Variants in ADGRB3 observed in about 807,000 individuals in gnomAD.
The protein encoded by ADGRB3 is adhesion G protein-coupled receptor B3, also known as brain-specific angiogenesis inhibitor 3.
In ADGRB3, 37 loss-of-function variants were observed where a neutral mutation model predicts 193.4. The ratio of observed to expected loss-of-function variants is 0.19; its 90% CI spans 0.15 to 0.25. The LOEUF (loss-of-function observed/expected upper bound fraction) is 0.25, where lower values mean the gene tolerates loss of function less well. Among genes scored for constraint, ADGRB3 ranks in the 10% least tolerant of loss-of-function variants. The pLI, the probability that ADGRB3 is intolerant of heterozygous loss-of-function variation, is 1.00. For missense variants in ADGRB3, 1,637 were observed against 1,852.9 expected, an observed-to-expected ratio of 0.88 and a Z score of 2.14; for synonymous variants, 690 against 644.2, an observed-to-expected ratio of 1.07 and a Z score of -1.08.
intron 3 of ADGRB3, among the ~76,000 whole-genome samples, chr6:68,797,628 C>T (rs185217280): frequency 6.6e-6 from 1 of 152,170 alleles, no homozygotes; most frequent in African/African-American, 2.4e-5. Context: ...ATTTAAGGAG[C>T]TAAATCACTG....
At chr6:69,083,308 A>T (rs1036460096) in intron 17 of ADGRB3, among the ~76,000 whole-genome samples, 2 of 152,148 alleles carry the variant, frequency 1.3e-5, no homozygotes, top group Admixed American at 6.6e-5. Context: ...GTATTTGAGG[A>T]CTAGAAGTGT....
rs993045951 is a variant in ADGRB3 at position 69,126,877 on chromosome 6, C to T, written c.2480+50839C>T. On this transcript the variant is annotated intron_variant, in intron 17 of 31. Transcript: ENST00000370598. ...TCTATGATGACAACAATAGAGTTAACTCATTAGCTCCTAAATTAAAGGACT... is the reference window on the plus strand; with the variant it reads ...TCTATGATGACAACAATAGAGTTAATTCATTAGCTCCTAAATTAAAGGACT... Among the ~76,000 whole-genome samples, 7 of 152,184 alleles carry T rather than the reference C, an allele frequency of 4.6e-5. 1 individual carries two copies. Among genetic ancestry groups the T allele is most frequent in the African/African-American group, 1.7e-4 (7 of 41,452 alleles).
Position 69,029,259 on chromosome 6 carries a change from T to G in ADGRB3, c.2107+10760T>G, listed in dbSNP as rs142864926. Among the ~76,000 whole-genome samples, 7 of 152,360 alleles carry G rather than the reference T, an allele frequency of 4.6e-5. No homozygotes were observed. The East Asian group carries it at 1.3e-3, about 29-fold the overall frequency. ...TTTTCTTTTGTGCTAATATTCTTCATATGTATCCACTTTATTTGAAAATTT... is the reference window on the plus strand; with the variant it reads ...TTTTCTTTTGTGCTAATATTCTTCAGATGTATCCACTTTATTTGAAAATTT... On this transcript the variant is annotated intron_variant, in intron 13 of 31. Transcript: ENST00000370598.
intron 3 of ADGRB3, among the ~76,000 whole-genome samples, chr6:68,908,128 T>C (rs1336729990): frequency 2.6e-5 from 4 of 152,016 alleles, no homozygotes; most frequent in Admixed American, 1.3e-4. Flanking sequence ...AATTAACTAT[T>C]GCTGTCTTAA....
intron 3 of ADGRB3, among the ~76,000 whole-genome samples, chr6:68,651,774 A>T (rs1768372157): frequency 6.6e-6 from 1 of 152,140 alleles, no homozygotes; most frequent in African/African-American, 2.4e-5. Flanking sequence ...AGCCGTGCCT[A>T]ATTAGTCTCT....
chr6:69,113,192 G>A (rs185786529), intron 17 of ADGRB3, among the ~76,000 whole-genome samples: 12 of 152,124 alleles, frequency 7.9e-5, no homozygotes, highest in Non-Finnish European at 1.6e-4. Flanking sequence ...TACAGATGCC[G>A]AGGAATGACT....
chr6:68,891,293 G>C (rs910686372), intron 3 of ADGRB3, among the ~76,000 whole-genome samples: 4 of 152,092 alleles, frequency 2.6e-5, no homozygotes, highest in Non-Finnish European at 4.4e-5. Context: ...GATGAGGTTT[G>C]GGTGGGGACA....
chr6:69,332,110 A>T, intron 23 of ADGRB3: 1 of 985,398 alleles, frequency 1.0e-6, no homozygotes, highest in Non-Finnish European at 1.2e-6. Flanking sequence ...ATTGGACTGG[A>T]TTCCTTGATC....
chr6:68,789,741 A>G (rs1212644880), intron 3 of ADGRB3, among the ~76,000 whole-genome samples: 1 of 151,272 alleles, frequency 6.6e-6, no homozygotes, highest in Non-Finnish European at 1.5e-5. Context: ...AATATCCTGC[A>G]GAGTGTTTTC....
intron 3 of ADGRB3, among the ~76,000 whole-genome samples, chr6:68,645,118 C>T (rs989982530): frequency 3.2e-4 from 48 of 151,932 alleles, no homozygotes; most frequent in African/African-American, 7.7e-4. Context: ...AAAAGCAGTC[C>T]GGCCCTTGGA....
At chr6:69,129,059 T>C (rs780109363) in intron 17 of ADGRB3, among the ~76,000 whole-genome samples, 2 of 152,174 alleles carry the variant, frequency 1.3e-5, no homozygotes, top group African/African-American at 4.8e-5. Context: ...CACTAGAATG[T>C]AAATTGCTTT....
chr6:68,842,196 TTGAAA>T (rs952227691), intron 3 of ADGRB3, among the ~76,000 whole-genome samples: 1 of 151,652 alleles, frequency 6.6e-6, no homozygotes, highest in Non-Finnish European at 1.5e-5. Flanking sequence ...ATTAATTAAA[TTGAAA>T]TGAAGAAAAT....
chr6:69,031,263 A>T (rs1188656016), intron 13 of ADGRB3, among the ~76,000 whole-genome samples: 1 of 151,100 alleles, frequency 6.6e-6, no homozygotes, highest in East Asian at 2.0e-4. Context: ...ACACGGTGAA[A>T]CCCAGTCTCT....
intron 17 of ADGRB3, among the ~76,000 whole-genome samples, chr6:69,190,002 GAAAC>G (rs1254186739): frequency 6.6e-6 from 1 of 152,024 alleles, no homozygotes; most frequent in African/African-American, 2.4e-5. Flanking sequence ...GATGCTGGTG[GAAAC>G]AAACATACGG....
chr6:68,706,102 G>A (rs376941017), intron 3 of ADGRB3, among the ~76,000 whole-genome samples: 20 of 152,256 alleles, frequency 1.3e-4, no homozygotes, highest in African/African-American at 4.6e-4. Context: ...AGGTTGAAAG[G>A]TCTAGATGTA....
rs1748490066 is a variant in ADGRB3, at chr6:68,772,356, G to A, written c.757+132924G>A. ...GATGGATAAGTAGATTTCAGAAATG[G>A]AGTCAGGTAATTTCAGATTTGAATT... On this transcript the variant is annotated intron_variant, in intron 3 of 31. Transcript: ENST00000370598. Among the ~76,000 whole-genome samples the A allele has an allele frequency of 3.3e-5, 5 of 152,196 alleles. No individual in the cohort carries two copies. The South Asian group carries it at 1.0e-3, about 32-fold the overall frequency.
At chr6:69,156,670 TGGGTTCCATGTATACAATGGATTGCA>T (rs886344781) in intron 17 of ADGRB3, among the ~76,000 whole-genome samples, 2 of 152,126 alleles carry the variant, frequency 1.3e-5, no homozygotes, top group Non-Finnish European at 1.5e-5. Context: ...CACAATCCCT[TGGGTTCCATGTATACAATGGATTGCA>T]AAGAGACAAG....
intron 13 of ADGRB3, among the ~76,000 whole-genome samples, chr6:69,044,123 TA>T (rs1286617722): frequency 1.3e-5 from 2 of 152,186 alleles, no homozygotes; most frequent in East Asian, 3.8e-4. Flanking sequence ...ATGCTTACCC[TA>T]AAAAATCAGG....
intron 17 of ADGRB3, among the ~76,000 whole-genome samples, chr6:69,097,160 C>T (rs1281700049): frequency 2.0e-5 from 3 of 152,134 alleles, no homozygotes; most frequent in East Asian, 1.9e-4. Context: ...AAAGAAAGGT[C>T]GTGTTGATGC....
Sources: allele counts gnomAD v4.1 joint callset (sites outside exome capture counted in the v4.1 genomes callset), GRCh38; gene constraint gnomAD v4.1.1; transcripts MANE v1.5; gene names NCBI Gene and HGNC (gene_info 2026-07-23, HGNC 2026-07-21).